The following TMEM116 variants were observed in gnomAD, a reference collection of about 807,000 sequenced individuals.
TMEM116 encodes the protein transmembrane protein 116.
Under a neutral mutation model 44.3 loss-of-function variants are expected in TMEM116, and 38 were observed. The observed-to-expected ratio is 0.86, with a 90% CI of 0.66 to 1.12. The LOEUF is 1.12. TMEM116 is among the 50% of genes most tolerant of loss of function. The pLI, the probability that TMEM116 is intolerant of heterozygous loss-of-function variation, is 0.00. For synonymous variants in TMEM116, 132 were observed against 144.8 expected, an observed-to-expected ratio of 0.91 and a Z score of 0.64; for missense variants, 354 against 401.7, an observed-to-expected ratio of 0.88 and a Z score of 1.01.
Position 111,956,333 on chromosome 12 carries a change from A to G in TMEM116, c.211-12964T>C, listed in dbSNP as rs543719511. On this transcript the variant is annotated intron_variant, in intron 4 of 10. Transcript: ENST00000552374. ...AAGATGGAAAGCTCAAAACAAAAAT[A>G]TTCGTGTGTCCTGAAGATTTAGCAT... 1.5e-3 allele frequency among the ~76,000 whole-genome samples: 236 copies of G among 152,332 alleles called. 2 individuals carry two copies. Among genetic ancestry groups the G allele is most frequent in the African/African-American group, 5.3e-3 (220 of 41,578 alleles).
intron 1 of TMEM116, among the ~76,000 whole-genome samples, chr12:112,007,673 A>C (rs2077656297): frequency 6.6e-6 from 1 of 152,212 alleles, no homozygotes; most frequent in African/African-American, 2.4e-5. Flanking sequence ...TGACAGTTTC[A>C]CCAAGTAATA....
intron 4 of TMEM116, among the ~76,000 whole-genome samples, chr12:111,949,686 T>G (rs2073562918): frequency 6.6e-6 from 1 of 152,204 alleles, no homozygotes; most frequent in Non-Finnish European, 1.5e-5. Context: ...ACTGTGGCCC[T>G]GAGGAATTGT....
chr12:111,971,606 G>A (rs1431569153), intron 4 of TMEM116, among the ~76,000 whole-genome samples: 1 of 149,320 alleles, frequency 6.7e-6, no homozygotes, highest in African/African-American at 2.5e-5. Context: ...GAAGGAAAAG[G>A]GAACAAAAAA....
At chr12:111,979,401 T>C (rs1304539135) in intron 4 of TMEM116, among the ~76,000 whole-genome samples, 1 of 152,160 alleles carries the variant, frequency 6.6e-6, no homozygotes, top group African/African-American at 2.4e-5. Context: ...GTTACACATA[T>C]CGTATGATTC....
At chr12:111,989,068 C>G (rs2076396605) in intron 4 of TMEM116, among the ~76,000 whole-genome samples, 1 of 152,130 alleles carries the variant, frequency 6.6e-6, no homozygotes, top group African/African-American at 2.4e-5. Flanking sequence ...CAGCTCATCC[C>G]TGATTACAAG....
At position 111,933,936 on chromosome 12, in the gene TMEM116, T is replaced by C; in HGVS notation, c.683A>G (p.Asp228Gly). ...SEQWAVIHIVDQRVRFYPVAF... is the reference protein window; with the variant it reads ...SEQWAVIHIVGQRVRFYPVAF... ...CACTGGGTAGAAGCGCACCCGTTGG[T>C]CCACAATGTGAATCACTGCCCACTG... Residue 228 changes from aspartate to glycine, a missense_variant, in exon 9 of 11, where the codon GAC becomes GGC. Physicochemically the swap from Asp to Gly is moderately conservative, Grantham distance 94 (BLOSUM62 -1). Coordinates refer to ENST00000552374, the MANE Select transcript of TMEM116 (RefSeq NM_001193531.2). 1 of 1,614,118 alleles carries C rather than the reference T, an allele frequency of 6.2e-7. No homozygotes were observed. Among genetic ancestry groups the C allele is most frequent in the Non-Finnish European group, 8.5e-7 (1 of 1,180,028 alleles).
In TMEM116 at chr12:111,939,880, C is replaced by CTGTGTGTGTGTGTGTGTG. The variant is rs61322648; in HGVS notation, c.316-1688_316-1671dup. 2.7e-4 allele frequency among the ~76,000 whole-genome samples: 35 copies of CTGTGTGTGTGTGTGTGTG among 130,464 alleles called. 1 individual carries two copies. The highest frequency in any genetic ancestry group is 5.7e-4 in the African/African-American group (20 of 35,048). The allele number at this position is 130,464 out of a possible 152,430, so 85.6% of individuals were successfully genotyped here. A position where few individuals can be genotyped will look rare whatever the true frequency, so the allele number is the denominator to read the frequency against. On this transcript the variant is annotated intron_variant, in intron 5 of 10. Transcript: ENST00000552374. ...AAGAAGAAAAAGTATCTTCAAAGCTCTGTGTGTGTGTGTGTGTGTGTGTGT... is the reference window on the plus strand; with the variant it reads ...AAGAAGAAAAAGTATCTTCAAAGCTCTGTGTGTGTGTGTGTGTGTGTGTGTGTGTGTGTGTGTGTGTGT...
chr12:111,948,387 G>A (rs2073445663), intron 4 of TMEM116, among the ~76,000 whole-genome samples: 1 of 152,202 alleles, frequency 6.6e-6, no homozygotes, highest in Non-Finnish European at 1.5e-5. Flanking sequence ...CAAAGGGCTA[G>A]AATAGGAAAA....
chr12:111,945,961 G>A (rs2073239386), intron 4 of TMEM116, among the ~76,000 whole-genome samples: 1 of 152,172 alleles, frequency 6.6e-6, no homozygotes, highest in African/African-American at 2.4e-5. Context: ...TTGCCCAACT[G>A]TAGGCTAATG....
At chr12:111,994,822 G>A (rs891748576) in intron 3 of TMEM116, among the ~76,000 whole-genome samples, 40 of 152,250 alleles carry the variant, frequency 2.6e-4, no homozygotes, top group African/African-American at 8.9e-4. Context: ...TTCTCAGAAG[G>A]GAGTATGCCT....
intron 5 of TMEM116, among the ~76,000 whole-genome samples, chr12:111,939,045 T>A (rs1440845231): frequency 6.6e-6 from 1 of 152,134 alleles, no homozygotes; most frequent in African/African-American, 2.4e-5. Flanking sequence ...ATAAAATTGT[T>A]TTTTGTGACC....
chr12:111,962,746 T>C (rs922286778), intron 4 of TMEM116, among the ~76,000 whole-genome samples: 3 of 152,156 alleles, frequency 2.0e-5, no homozygotes, highest in African/African-American at 2.4e-5. Flanking sequence ...ATTCAGGACA[T>C]AGGCATGGGC....
Position 111,951,619 on chromosome 12 carries a change from A to G in TMEM116, c.211-8250T>C, listed in dbSNP as rs944164253. Among the ~76,000 whole-genome samples the G allele has an allele frequency of 3.9e-5, 6 of 152,132 alleles. No individual in the cohort carries two copies. The East Asian group carries it at 1.2e-3, about 29-fold the overall frequency. ...TAAGTGGGAGCTAAATGATGGGAAT[A>G]CATGGACACATAGAGGGAAACAACA... On this transcript the variant is annotated intron_variant, in intron 4 of 10. Transcript: ENST00000552374.
At chr12:111,995,465 C>T (rs984152851) in intron 3 of TMEM116, among the ~76,000 whole-genome samples, 34 of 152,226 alleles carry the variant, frequency 2.2e-4, no homozygotes, top group Admixed American at 9.8e-4. Flanking sequence ...AGTTCTAGGA[C>T]GGGCATGGTG....
chr12:111,952,034 T>C (rs2073772561), intron 4 of TMEM116, among the ~76,000 whole-genome samples: 1 of 152,022 alleles, frequency 6.6e-6, no homozygotes, highest in East Asian at 1.9e-4. Flanking sequence ...ATCGAGACCA[T>C]GTTGGCCAAC....
At chr12:111,989,233 C>T (rs952719353) in intron 4 of TMEM116, among the ~76,000 whole-genome samples, 11 of 152,142 alleles carry the variant, frequency 7.2e-5, no homozygotes, top group African/African-American at 2.7e-4. Context: ...TAGTTTTGCT[C>T]AAGCATGTAC....
chr12:112,004,174 T>A (rs1460514642), intron 2 of TMEM116, among the ~76,000 whole-genome samples: 2 of 152,052 alleles, frequency 1.3e-5, no homozygotes, highest in Non-Finnish European at 2.9e-5. Flanking sequence ...AGTGATAGGG[T>A]CTTGCTATGT....
At chr12:111,997,810 T>C (rs1184760672) in intron 3 of TMEM116, among the ~76,000 whole-genome samples, 1 of 152,198 alleles carries the variant, frequency 6.6e-6, no homozygotes, top group Non-Finnish European at 1.5e-5. Context: ...TGAAATAATA[T>C]GTAATAAAAC....
chr12:111,995,607 G>A (rs7134638), intron 3 of TMEM116, among the ~76,000 whole-genome samples: 21,976 of 151,204 alleles, frequency 0.15, 2,033 homozygotes, highest in African/African-American at 0.26. Flanking sequence ...GCATGGTGGC[G>A]GGCGCCTGTA....
Sources: gnomAD v4.1 joint callset for allele counts (sites outside exome capture counted in the v4.1 genomes callset) on GRCh38, gnomAD v4.1.1 for gene constraint, MANE v1.5 for transcripts, NCBI Gene and HGNC (gene_info 2026-07-23, HGNC 2026-07-21) for gene names.